CAMK2B: variants seen among roughly 807,000 people sequenced by gnomAD.
CAMK2B encodes calcium/calmodulin dependent protein kinase II beta.
In CAMK2B, 27 loss-of-function variants were observed where a neutral mutation model predicts 93.7. The ratio of observed to expected loss-of-function variants is 0.29; its 90% CI spans 0.21 to 0.40. CAMK2B has a LOEUF of 0.40. Ranked by LOEUF, CAMK2B falls within the 10% of genes least tolerant of loss-of-function variation. The pLI, the probability that CAMK2B is intolerant of heterozygous loss-of-function variation, is 1.00. For missense variants in CAMK2B, 568 were observed against 895.8 expected (o/e 0.63, Z 4.67); for synonymous variants, 374 against 358.8 (o/e 1.04, Z -0.48).
At chr7:44,228,733 C>A in intron 19 of CAMK2B, 63 bp downstream of exon 19, 1 of 1,395,692 alleles carries the variant, frequency 7.2e-7, no homozygotes, top group Non-Finnish European at 9.4e-7. Context: ...AGCTGCTGAG[C>A]GCCGGCCATT....
Position 44,226,553 on chromosome 7 carries a change from G to T in CAMK2B, c.1560C>A (p.Cys520Ter). ...EGPSPVGPPP[C>*]PSPTIPGPLP... is the part of the protein sequence containing the mutation. ...GGGGGCCAGGGATAGTCGGAGATGGGCAGGGCGGGGGCCCCACTGGCGAGG... is the reference window on the plus strand; with the variant it reads ...GGGGGCCAGGGATAGTCGGAGATGGTCAGGGCGGGGGCCCCACTGGCGAGG... Residue 520 changes from cysteine to a stop codon, truncating the protein, a stop_gained, in exon 20 of 24, where the codon TGC becomes TGA. Transcript: ENST00000395749. LOFTEE classifies it high-confidence loss of function. 6.8e-7 allele frequency: 1 copy of T among 1,461,976 alleles called. No homozygotes were observed. The highest frequency in any genetic ancestry group is 9.0e-7 in the Non-Finnish European group (1 of 1,112,456). 90.6% of individuals were successfully genotyped at this position (1,461,976 alleles called of 1,614,324 possible). A position where few individuals can be genotyped will look rare whatever the true frequency, so the allele number is the denominator to read the frequency against.
At chr7:44,323,834 C>T (rs571448236) in intron 1 of CAMK2B, 18 of 158,670 alleles carry the variant, frequency 1.1e-4, no homozygotes, top group Middle Eastern at 5.2e-4. Flanking sequence ...GGCCAGGACA[C>T]CTCTGGAGGC....
chr7:44,239,451 G>A (rs2096655615), intron 13 of CAMK2B, 138 bp downstream of exon 13: 6 of 707,076 alleles, frequency 8.5e-6, no homozygotes, highest in East Asian at 5.4e-5. Flanking sequence ...GTGACCACAC[G>A]GGAGCAGGGG....
Position 44,226,538 on chromosome 7 carries a change from G to C in CAMK2B, c.1575C>G (p.Ile525Met). ...TACATGGGGTGGGCAGGGGGCCAGG[G>C]ATAGTCGGAGATGGGCAGGGCGGGG... ...VGPPPCPSPT[I>M]PGPLPTPSRK... The change falls in exon 20 of 24, where the codon ATC becomes ATG. Residue 525 changes from isoleucine (I) to methionine (M), a missense_variant. Ile to Met is a conservative substitution (Grantham distance 10). This residue lies in a region of CAMK2B where 308 missense variants were observed against 292.1 expected (regional missense o/e 1.05). Coordinates refer to ENST00000395749, the MANE Select transcript of CAMK2B (RefSeq NM_001220.5). 2 of 1,468,278 alleles carry C rather than the reference G, an allele frequency of 1.4e-6. No individual in the cohort carries two copies. Among genetic ancestry groups the C allele is most frequent in the South Asian group, 1.5e-5 (1 of 68,862 alleles). The allele number at this position is 1,468,278 out of a possible 1,614,324, so 91.0% of individuals were successfully genotyped here.
intron 1 of CAMK2B, among the ~76,000 whole-genome samples, chr7:44,287,125 G>A (rs1275253280): frequency 3.9e-5 from 6 of 152,062 alleles, no homozygotes; most frequent in African/African-American, 1.2e-4. Context: ...GGGGGAAGGC[G>A]CAGGAGGGCT....
chr7:44,239,424 G>A (rs1226620585), intron 13 of CAMK2B, among the ~76,000 whole-genome samples, 165 bp downstream of exon 13: 1 of 152,216 alleles, frequency 6.6e-6, no homozygotes, highest in African/African-American at 2.4e-5. Flanking sequence ...TGCCCTTGTG[G>A]TGGGCTCTGC....
chr7:44,253,974 G>C (rs538622430), intron 5 of CAMK2B, among the ~76,000 whole-genome samples: 1 of 151,906 alleles, frequency 6.6e-6, no homozygotes, highest in African/African-American at 2.4e-5. Context: ...TGGGCAGGGA[G>C]TAATGCTGTC....
At chr7:44,241,864 T>C (rs1424897410) in intron 10 of CAMK2B, 81 bp from the exon 11 acceptor site, 2 of 1,174,000 alleles carry the variant, frequency 1.7e-6, no homozygotes, top group Admixed American at 1.9e-5. Flanking sequence ...TGTGGCACCC[T>C]GGGGTCCCCA....
intron 16 of CAMK2B, 126 bp downstream of exon 16, chr7:44,232,696 G>A: frequency 1.3e-6 from 1 of 787,092 alleles, no homozygotes; most frequent in South Asian, 1.5e-5. Flanking sequence ...CTACCGTACT[G>A]CGGGGAGGGG....
At position 44,258,408 on chromosome 7, in the gene CAMK2B, T is replaced by G. The variant is rs144437066; in HGVS notation, c.275+464A>C. ...TTTCATGTGCTCACGCGCCCCCACG[T>G]GCAAACACCCACACACATACATACA... is the stretch of plus-strand genomic sequence containing the variant. On this transcript the variant is annotated intron_variant, in intron 4 of 23. Transcript: ENST00000395749. 1.9e-4 allele frequency among the ~76,000 whole-genome samples: 29 copies of G among 152,356 alleles called. No individual in the cohort carries two copies. The East Asian group carries it at 5.4e-3, about 28-fold the overall frequency.
In CAMK2B at chr7:44,220,924, G is replaced by A. The variant is rs767508344; in HGVS notation, c.1598-23C>T. 9 of 1,550,272 alleles carry A rather than the reference G, an allele frequency of 5.8e-6. No homozygotes were observed. The South Asian group carries it at 9.5e-5, about 16-fold the overall frequency. ...GGGCTGTGGGGAGACATGGCCAGGT[G>A]ACCACTGGGCGCTGGCCCATTCCCC... On this transcript the variant is annotated intron_variant, in intron 20 of 23. Coordinates refer to ENST00000395749, the MANE Select transcript of CAMK2B (RefSeq NM_001220.5).
intron 3 of CAMK2B, chr7:44,259,431 G>A (rs1408037664): frequency 6.1e-6 from 1 of 163,342 alleles, no homozygotes; most frequent in Non-Finnish European, 1.4e-5. Context: ...TGTCTCCGCT[G>A]TGTCCTGCCA....
At chr7:44,263,533 G>T (rs937530588) in intron 2 of CAMK2B, among the ~76,000 whole-genome samples, 2 of 152,102 alleles carry the variant, frequency 1.3e-5, no homozygotes, top group African/African-American at 4.8e-5. Flanking sequence ...GAGAGGCCTC[G>T]CCTGGGAGAT....
intron 9 of CAMK2B, 51 bp downstream of exon 9, chr7:44,242,509 C>T (rs755773428): frequency 1.2e-5 from 19 of 1,537,060 alleles, no homozygotes; most frequent in East Asian, 4.6e-5. Flanking sequence ...TGCCCTCACC[C>T]GGCCACACCT....
At position 44,286,211 on chromosome 7, in the gene CAMK2B, A is replaced by G. The variant is rs1785045277; in HGVS notation, c.66-1986T>C. Among the ~76,000 whole-genome samples the G allele has an allele frequency of 6.6e-6, 1 of 151,796 alleles. No homozygotes were observed. The highest frequency in any genetic ancestry group is 1.5e-5 in the Non-Finnish European group (1 of 67,970). On this transcript the variant is annotated intron_variant, in intron 1 of 23. Coordinates refer to ENST00000395749, the MANE Select transcript of CAMK2B (RefSeq NM_001220.5). The surrounding 1 kb of genome is among the most constrained non-coding windows in gnomAD (Gnocchi z 4.0). The stretch of plus-strand genomic sequence containing the variant: ...GGACTTCTTGCTCAGGAGAGGTAAG[A>G]GCTTCCCGAAACCAGTCCTGAGCTA...
At chr7:44,239,086 G>A (rs548953292) in intron 13 of CAMK2B, among the ~76,000 whole-genome samples, 2 of 152,348 alleles carry the variant, frequency 1.3e-5, no homozygotes, top group East Asian at 3.9e-4. Flanking sequence ...CTCCAGAGCG[G>A]CTTGTCCTGG....
At chr7:44,284,342 C>T in intron 1 of CAMK2B, 117 bp from the exon 2 acceptor site, 2 of 745,828 alleles carry the variant, frequency 2.7e-6, no homozygotes, top group South Asian at 3.3e-5. Flanking sequence ...ACCGGCCCGG[C>T]CTCGGGCAGA....
intron 3 of CAMK2B, among the ~76,000 whole-genome samples, chr7:44,262,126 G>A (rs1044942181): frequency 1.3e-5 from 2 of 152,250 alleles, no homozygotes; most frequent in Non-Finnish European, 2.9e-5. Flanking sequence ...AGGGTTCAGC[G>A]ACCTTCGGAG....
rs1583783050 is a variant in CAMK2B, at chr7:44,226,530, G to A, written c.1583C>T (p.Pro528Leu). Residue 528 changes from proline (P) to leucine (L), a missense_variant, in exon 20 of 24, where the codon CCC (proline) becomes CTC (leucine). Pro to Leu is a moderately conservative substitution (Grantham distance 98). This residue lies in a region of CAMK2B where 308 missense variants were observed against 292.1 expected (regional missense o/e 1.05). Coordinates refer to ENST00000395749, the MANE Select transcript of CAMK2B (RefSeq NM_001220.5). ...PPCPSPTIPG[P>L]LPTPSRKQEI... ...GTGCTACTTACATGGGGTGGGCAGG[G>A]GGCCAGGGATAGTCGGAGATGGGCA... 1 of 1,455,046 alleles carries A rather than the reference G, an allele frequency of 6.9e-7. No homozygotes were observed. The highest frequency in any genetic ancestry group is 1.5e-5 in the South Asian group (1 of 66,314). The allele number at this position is 1,455,046 out of a possible 1,614,324, so 90.1% of individuals were successfully genotyped here.
Sources: gnomAD v4.1 joint callset for allele counts (sites outside exome capture counted in the v4.1 genomes callset) on GRCh38, gnomAD v4.1.1 for gene constraint, gnomAD v4.1.1 regional missense constraint, Gnocchi (gnomAD v3.1) non-coding constraint, MANE v1.5 for transcripts, NCBI Gene and HGNC (gene_info 2026-07-23, HGNC 2026-07-21) for gene names.